Variants in SLC25A21 observed in about 807,000 individuals in gnomAD.
The protein encoded by SLC25A21 is solute carrier family 25 member 21.
SLC25A21 carries 47 observed loss-of-function variants against 43.8 expected under a neutral mutation model. The ratio of observed to expected loss-of-function variants is 1.07; its 90% CI spans 0.85 to 1.37. SLC25A21 has a LOEUF of 1.37. Ranked by LOEUF, SLC25A21 falls within the 40% of genes most tolerant of loss-of-function variation. The pLI is 0.00. For missense variants in SLC25A21, 352 were observed against 350.2 expected, an observed-to-expected ratio of 1.00 and a Z score of -0.04; for synonymous variants, 131 against 121.3, an observed-to-expected ratio of 1.08 and a Z score of -0.52.
chr14:36,811,463 C>T lies in SLC25A21; in HGVS notation c.203+2455G>A, dbSNP rs150512994. 2.7e-3 allele frequency among the ~76,000 whole-genome samples: 405 copies of T among 152,126 alleles called. 3 individuals carry two copies. Among genetic ancestry groups the T allele is most frequent in the Non-Finnish European group, 5.9e-4 (40 of 67,988 alleles). ...GTCAGGAGTTTGAGACCAGCCTGGCCAACACGGTGAGGCCCCGTCTCTACT... is the reference window on the plus strand; with the variant it reads ...GTCAGGAGTTTGAGACCAGCCTGGCTAACACGGTGAGGCCCCGTCTCTACT... On this transcript the variant is annotated intron_variant, in intron 3 of 9. Coordinates refer to ENST00000331299, the MANE Select transcript of SLC25A21 (RefSeq NM_030631.4).
rs567349814 is a variant in SLC25A21, at chr14:37,171,949, T to C, written c.70+332A>G. 2.0e-5 allele frequency: 7 copies of C among 350,036 alleles called. No individual in the cohort carries two copies. In the South Asian group the frequency reaches 4.6e-4, roughly 23 times the overall value. The allele number at this position is 350,036 out of a possible 1,614,324, so 21.7% of individuals were successfully genotyped here. A position where few individuals can be genotyped will look rare whatever the true frequency, so the allele number is the denominator to read the frequency against. Reference sequence around the variant, plus strand: ...CAGACCGAACTGGATCATTTTCAAGTAAAATAGGTAGCAAGGCAAAAAGAC... The same window carrying C: ...CAGACCGAACTGGATCATTTTCAAGCAAAATAGGTAGCAAGGCAAAAAGAC... On this transcript the variant is annotated intron_variant, in intron 1 of 9. Transcript: ENST00000331299.
intron 2 of SLC25A21, among the ~76,000 whole-genome samples, chr14:36,872,976 T>C (rs752634789): frequency 1.3e-5 from 2 of 152,212 alleles, no homozygotes; most frequent in Admixed American, 6.5e-5. Context: ...GTGTGTTGAA[T>C]GGATGAATTA....
chr14:36,995,189 T>G (rs1174991172), intron 1 of SLC25A21, among the ~76,000 whole-genome samples: 1 of 152,184 alleles, frequency 6.6e-6, no homozygotes. Flanking sequence ...CTGGCAAATC[T>G]TAGGATCATC....
chr14:36,950,675 C>G (rs1411953259), intron 1 of SLC25A21, among the ~76,000 whole-genome samples: 2 of 152,134 alleles, frequency 1.3e-5, no homozygotes, highest in Admixed American at 6.5e-5. Flanking sequence ...AGACATAGCC[C>G]CTGGCTACTG....
chr14:36,919,240 G>A (rs776304674), intron 1 of SLC25A21, among the ~76,000 whole-genome samples: 1 of 151,908 alleles, frequency 6.6e-6, no homozygotes, highest in Non-Finnish European at 1.5e-5. Flanking sequence ...AATTTAAACA[G>A]CTATTTCCAT....
rs147137562 is a variant in SLC25A21, at chr14:37,164,354, A to C, written c.70+7927T>G. 1.8e-4 allele frequency among the ~76,000 whole-genome samples: 27 copies of C among 152,114 alleles called. No individual in the cohort carries two copies. The East Asian group carries it at 4.8e-3, about 27-fold the overall frequency. ...CTCCTATGTGCTTGAAATAAGGGTT[A>C]TTTTTTTCTCCCTAATTACCCAGAT... On this transcript the variant is annotated intron_variant, in intron 1 of 9. Transcript: ENST00000331299.
At chr14:36,951,883 C>T (rs946725634) in intron 1 of SLC25A21, among the ~76,000 whole-genome samples, 4 of 152,228 alleles carry the variant, frequency 2.6e-5, no homozygotes, top group African/African-American at 9.6e-5. Flanking sequence ...TCATTTTTGC[C>T]CATGCTTCAG....
intron 1 of SLC25A21, among the ~76,000 whole-genome samples, chr14:37,070,846 G>C (rs1962155754): frequency 6.6e-6 from 1 of 152,182 alleles, no homozygotes; most frequent in African/African-American, 2.4e-5. Flanking sequence ...AGTGAAGATA[G>C]GGTGCAGAGG....
intron 3 of SLC25A21, among the ~76,000 whole-genome samples, chr14:36,742,162 T>C (rs896863785): frequency 6.6e-6 from 1 of 152,222 alleles, no homozygotes; most frequent in African/African-American, 2.4e-5. Context: ...TCTTGCTAGT[T>C]TGTTGTTTTC....
chr14:36,870,865 T>C (rs1890349555), intron 2 of SLC25A21: 1 of 152,196 alleles, frequency 6.6e-6, no homozygotes, highest in African/African-American at 2.4e-5. Context: ...TATGGCACAC[T>C]GACACCATGT....
At chr14:36,968,352 TCA>T (rs1348532656) in intron 1 of SLC25A21, among the ~76,000 whole-genome samples, 1 of 151,934 alleles carries the variant, frequency 6.6e-6, no homozygotes, top group Non-Finnish European at 1.5e-5. Flanking sequence ...CACTGGTGAG[TCA>T]CAGTCAGTCA....
In SLC25A21 at chr14:36,679,347, T is replaced by TAAAA. The variant is rs1050781166; in HGVS notation, c.*1307_*1310dup. 1.0e-6 allele frequency: 1 copy of TAAAA among 971,038 alleles called. No homozygotes were observed. Among genetic ancestry groups the TAAAA allele is most frequent in the Non-Finnish European group, 1.2e-6 (1 of 817,050 alleles). 60.2% of individuals were successfully genotyped at this position (971,038 alleles called of 1,614,324 possible). ...TTATACTTCAAATGCTCTAAATTAA[T>TAAAA]AAAAAGTAATAATTACCATGTTATC... On this transcript the variant is annotated 3_prime_UTR_variant, in exon 10 of 10. Coordinates refer to ENST00000331299, the MANE Select transcript of SLC25A21 (RefSeq NM_030631.4).
At chr14:36,974,357 A>G (rs768630112) in intron 1 of SLC25A21, among the ~76,000 whole-genome samples, 1 of 152,164 alleles carries the variant, frequency 6.6e-6, no homozygotes, top group Non-Finnish European at 1.5e-5. Flanking sequence ...ATTTGCTGAT[A>G]TAATTCTGAA....
At chr14:36,972,676 G>C (rs1256434731) in intron 1 of SLC25A21, among the ~76,000 whole-genome samples, 2 of 152,038 alleles carry the variant, frequency 1.3e-5, no homozygotes, top group Non-Finnish European at 2.9e-5. Flanking sequence ...CAAAGCAAAG[G>C]AACATGAGAA....
At position 37,072,179 on chromosome 14, in the gene SLC25A21, C is replaced by CAAAA. The variant is rs36060373; in HGVS notation, c.70+100098_70+100101dup. On this transcript the variant is annotated intron_variant, in intron 1 of 9. Coordinates refer to ENST00000331299, the MANE Select transcript of SLC25A21 (RefSeq NM_030631.4). ...CCTGCGTGACAGAGTGAGACTGTCT[C>CAAAA]AAAAAAAAAAAAAAAAAAAAAGTGG... is the stretch of plus-strand genomic sequence containing the variant. Among the ~76,000 whole-genome samples the CAAAA allele has an allele frequency of 8.7e-3, 689 of 78,862 alleles. 26 individuals carry two copies. The highest frequency in any genetic ancestry group is 0.031 in the African/African-American group (643 of 20,892). 51.7% of individuals were successfully genotyped at this position (78,862 alleles called of 152,430 possible). A position where few individuals can be genotyped will look rare whatever the true frequency, so the allele number is the denominator to read the frequency against.
At chr14:36,695,600 G>C (rs551446052) in intron 7 of SLC25A21, among the ~76,000 whole-genome samples, 1 of 152,278 alleles carries the variant, frequency 6.6e-6, no homozygotes, top group East Asian at 1.9e-4. Context: ...GCAGTGGTTT[G>C]TAGTTCTCCT....
intron 1 of SLC25A21, among the ~76,000 whole-genome samples, chr14:36,925,512 C>A (rs1235540511): frequency 1.3e-5 from 2 of 152,076 alleles, no homozygotes; most frequent in Admixed American, 6.6e-5. Flanking sequence ...AGAGACAGTT[C>A]ATCAAAAAGT....
At chr14:37,017,004 A>T (rs1205481660) in intron 1 of SLC25A21, among the ~76,000 whole-genome samples, 1 of 152,038 alleles carries the variant, frequency 6.6e-6, no homozygotes, top group African/African-American at 2.4e-5. Flanking sequence ...TTCTATCCAG[A>T]CTACTAAAAC....
At chr14:36,738,374 T>C (rs1381210589) in intron 3 of SLC25A21, among the ~76,000 whole-genome samples, 2 of 152,196 alleles carry the variant, frequency 1.3e-5, no homozygotes, top group African/African-American at 4.8e-5. Context: ...CATTCTGCCT[T>C]CATGTGGTTT....
Sources: allele counts gnomAD v4.1 joint callset (sites outside exome capture counted in the v4.1 genomes callset), GRCh38; gene constraint gnomAD v4.1.1; transcripts MANE v1.5; gene names NCBI Gene and HGNC (gene_info 2026-07-23, HGNC 2026-07-21).